CD164: variants seen among roughly 807,000 people sequenced by gnomAD.
CD164 encodes CD164 molecule, also known as sialomucin core protein 24.
Under a neutral mutation model 24.6 loss-of-function variants are expected in CD164, and 11 were observed. The observed-to-expected ratio is 0.45, with a 90% confidence interval of 0.28 to 0.74. The LOEUF is 0.74. CD164 is among the 30% of genes least tolerant of loss of function. The pLI is 0.13. For missense variants in CD164, 295 were observed against 243.7 expected (o/e 1.21, Z -1.40); for synonymous variants, 126 against 100.3 (o/e 1.26, Z -1.53).
Position 109,368,845 on chromosome 6 carries a change from G to C in CD164, c.*6C>G, listed in dbSNP as rs1323095310. 6.2e-7 allele frequency: 1 copy of C among 1,607,958 alleles called. No individual in the cohort carries two copies. Among genetic ancestry groups the C allele is most frequent in the South Asian group, 1.1e-5 (1 of 90,274 alleles). ...TCACCAGTCCTTATTAATTCAATGG[G>C]TCTGTTTACAGAGTGTGGTAATTTC... On this transcript the variant is annotated 3_prime_UTR_variant, in exon 6 of 6. Coordinates refer to ENST00000310786, the MANE Select transcript of CD164 (RefSeq NM_006016.6).
chr6:109,372,414 CA>C (rs1771131685), intron 4 of CD164: 1 of 152,142 alleles, frequency 6.6e-6, no homozygotes, highest in Admixed American at 6.5e-5. Flanking sequence ...TTCACATGAC[CA>C]TGAGTCACAG....
Position 109,368,577 on chromosome 6 carries a change from T to C in CD164, c.*274A>G, listed in dbSNP as rs2115138179. 3.7e-6 allele frequency: 5 copies of C among 1,340,910 alleles called. No homozygotes were observed. The South Asian group carries it at 6.3e-5, about 17-fold the overall frequency. The allele number at this position is 1,340,910 out of a possible 1,614,324, so 83.1% of individuals were successfully genotyped here. On this transcript the variant is annotated 3_prime_UTR_variant, in exon 6 of 6. Transcript: ENST00000310786. ...CACTTTCAGAAAGTTATATTTGGCA[T>C]GTTAAGGAAAAAAAATATAATCCCA...
Position 109,379,626 on chromosome 6 carries a change from A to C in CD164, c.212T>G (p.Phe71Cys). Residue 71 changes from phenylalanine (F) to cysteine (C), a missense_variant, in exon 2 of 6, where the codon TTT (phenylalanine) becomes TGT (cysteine). Physicochemically the swap from Phe to Cys is radical, Grantham distance 205 (BLOSUM62 -2). Coordinates refer to ENST00000310786, the MANE Select transcript of CD164 (RefSeq NM_006016.6). ...CEGRNSCVSC[F>C]NVSVVNTTCF... Reference sequence around the variant, plus strand: ...GGTAGTATTAACAACGCTAACATTAAAACAGGAAACGCAGCTGTTTCGACC... The same window carrying C: ...GGTAGTATTAACAACGCTAACATTACAACAGGAAACGCAGCTGTTTCGACC... The C allele has an allele frequency of 1.9e-6, 3 of 1,613,668 alleles. No individual in the cohort carries two copies. The highest frequency in any genetic ancestry group is 2.5e-6 in the Non-Finnish European group (3 of 1,179,858).
rs1427025791 is a variant in CD164 at position 109,368,373 on chromosome 6, G to C, written c.*478C>G. The C allele has an allele frequency of 6.6e-7, 1 of 1,519,698 alleles. No homozygotes were observed. The highest frequency in any genetic ancestry group is 8.8e-7 in the Non-Finnish European group (1 of 1,133,958). The allele number at this position is 1,519,698 out of a possible 1,614,324, so 94.1% of individuals were successfully genotyped here. A position where few individuals can be genotyped will look rare whatever the true frequency, so the allele number is the denominator to read the frequency against. ...TATCAAGCACAAAATTTTAATCTAA[G>C]GATACCATTTAGTACTACTAAATTA... is the stretch of plus-strand genomic sequence containing the variant. On this transcript the variant is annotated 3_prime_UTR_variant, in exon 6 of 6. Transcript: ENST00000310786.
Position 109,381,052 on chromosome 6 carries a change from TA to T in CD164, c.175+1151del, listed in dbSNP as rs554695877. On this transcript the variant is annotated intron_variant, in intron 1 of 5. Coordinates refer to ENST00000310786, the MANE Select transcript of CD164 (RefSeq NM_006016.6). ...AATTTGTAGAATATGAATGCCGTGA[TA>T]AAAATCATTACACTTCGGCATTCTT... Among the ~76,000 whole-genome samples, 21 of 152,354 alleles carry T rather than the reference TA, an allele frequency of 1.4e-4. 2 individuals carry two copies. In the South Asian group the frequency reaches 4.3e-3, roughly 32 times the overall value.
Position 109,368,131 on chromosome 6 carries a change from CT to C in CD164, c.*719del. 1.4e-6 allele frequency: 1 copy of C among 700,554 alleles called. No homozygotes were observed. Among genetic ancestry groups the C allele is most frequent in the East Asian group, 3.2e-5 (1 of 30,948 alleles). 43.4% of individuals were successfully genotyped at this position (700,554 alleles called of 1,614,324 possible). On this transcript the variant is annotated 3_prime_UTR_variant, in exon 6 of 6. Coordinates refer to ENST00000310786, the MANE Select transcript of CD164 (RefSeq NM_006016.6). ...GTTACATCCTCTGACCAATCCTTAC[CT>C]TCCTTAATGTCAAAGAACAAATCAT...
intron 2 of CD164, 37 bp from the exon 3 acceptor site, chr6:109,378,008 A>G (rs1355451899): frequency 1.3e-6 from 2 of 1,516,100 alleles, no homozygotes; most frequent in Admixed American, 1.7e-5. Context: ...AAACAGCATC[A>G]ACCACCCATT....
In CD164 at chr6:109,382,260, G is replaced by C; in HGVS notation, c.119C>G (p.Ser40Cys). Reference protein sequence around the residue: ...HPNVTTLAPISNVTSAPVTSL... With the variant: ...HPNVTTLAPICNVTSAPVTSL... ...CGTCACCGGCGCCGAGGTTACGTTG[G>C]AGATGGGCGCTAAAGTCGTCACGTT... The change falls in exon 1 of 6, where the codon TCC becomes TGC. Residue 40 changes from serine (S) to cysteine (C), a missense_variant. By Grantham distance (112) the Ser-to-Cys change is moderately radical. Coordinates refer to ENST00000310786, the MANE Select transcript of CD164 (RefSeq NM_006016.6). 1.9e-6 allele frequency: 3 copies of C among 1,590,586 alleles called. No homozygotes were observed. Among genetic ancestry groups the C allele is most frequent in the Non-Finnish European group, 2.6e-6 (3 of 1,171,172 alleles).
In CD164 at chr6:109,368,560, G is replaced by GA; in HGVS notation, c.*290dup. ...AAGACAACATTTTCCATCACTTTCA[G>GA]AAAGTTATATTTGGCATGTTAAGGA... On this transcript the variant is annotated 3_prime_UTR_variant, in exon 6 of 6. Coordinates refer to ENST00000310786, the MANE Select transcript of CD164 (RefSeq NM_006016.6). 7.5e-7 allele frequency: 1 copy of GA among 1,331,132 alleles called. No homozygotes were observed. Among genetic ancestry groups the GA allele is most frequent in the Non-Finnish European group, 9.6e-7 (1 of 1,046,484 alleles). The allele number at this position is 1,331,132 out of a possible 1,614,324, so 82.5% of individuals were successfully genotyped here. A position where few individuals can be genotyped will look rare whatever the true frequency, so the allele number is the denominator to read the frequency against.
Position 109,382,461 on chromosome 6 carries a change from C to T in CD164, c.-83G>A. The T allele has an allele frequency of 1.5e-6, 2 of 1,309,960 alleles. No homozygotes were observed. The highest frequency in any genetic ancestry group is 2.0e-6 in the Non-Finnish European group (2 of 1,002,334). 81.1% of individuals were successfully genotyped at this position (1,309,960 alleles called of 1,614,324 possible). The stretch of plus-strand genomic sequence containing the variant: ...CCTCAATCCCCTGCGGCGCCGCCTC[C>T]GAGACTACGCTCCCCCGCGGGAGCG... On this transcript the variant is annotated 5_prime_UTR_variant, in exon 1 of 6. Transcript: ENST00000310786.
At chr6:109,373,677 A>C (rs1771229402) in intron 4 of CD164, among the ~76,000 whole-genome samples, 2 of 152,142 alleles carry the variant, frequency 1.3e-5, no homozygotes, top group African/African-American at 4.8e-5. Context: ...TTTCATAACC[A>C]ACCTTCTGAA....
intron 5 of CD164, 51 bp from the exon 6 acceptor site, chr6:109,369,068 T>C (rs776736270): frequency 2.6e-5 from 39 of 1,523,836 alleles, no homozygotes; most frequent in Non-Finnish European, 3.0e-5. Context: ...TGGTCCTCTA[T>C]TGTAATTTAA....
At chr6:109,382,001 GCTTCCCC>G (rs1228238229) in intron 1 of CD164, 196 bp downstream of exon 1, 1 of 403,078 alleles carries the variant, frequency 2.5e-6, no homozygotes, top group Non-Finnish European at 4.2e-6. Context: ...CCGCGCGTCC[GCTTCCCC>G]CCAGCGCGCT....
Position 109,368,796 on chromosome 6 carries a change from G to A in CD164, c.*55C>T. ...GGACATCTTAAAAGATAGTATTTTGGCTTCAGTGAGTTACACAAATGAATC... is the reference window on the plus strand; with the variant it reads ...GGACATCTTAAAAGATAGTATTTTGACTTCAGTGAGTTACACAAATGAATC... On this transcript the variant is annotated 3_prime_UTR_variant, in exon 6 of 6. Coordinates refer to ENST00000310786, the MANE Select transcript of CD164 (RefSeq NM_006016.6). 3 of 1,555,436 alleles carry A rather than the reference G, an allele frequency of 1.9e-6. No homozygotes were observed. The highest frequency in any genetic ancestry group is 2.6e-6 in the Non-Finnish European group (3 of 1,156,614).
intron 1 of CD164, chr6:109,381,617 G>A (rs1254817309): frequency 1.4e-6 from 1 of 702,236 alleles, no homozygotes; most frequent in South Asian, 1.5e-5. Context: ...GTGCTCAAAC[G>A]TCAGCTACAT....
chr6:109,373,596 G>C (rs925078380), intron 4 of CD164, among the ~76,000 whole-genome samples: 3 of 152,178 alleles, frequency 2.0e-5, no homozygotes, highest in African/African-American at 4.8e-5. Context: ...CATCAAGAGT[G>C]AACCCAGTTC....
intron 4 of CD164, 82 bp downstream of exon 4, chr6:109,375,992 T>A (rs1771384959): frequency 1.9e-6 from 2 of 1,078,648 alleles, no homozygotes; most frequent in Non-Finnish European, 2.7e-6. Flanking sequence ...CTAACAACTT[T>A]TACATAATTA....
Sources: allele counts gnomAD v4.1 joint callset (sites outside exome capture counted in the v4.1 genomes callset), GRCh38; gene constraint gnomAD v4.1.1; transcripts MANE v1.5; gene names NCBI Gene and HGNC (gene_info 2026-07-23, HGNC 2026-07-21).